Variants in TRMT13 observed in about 807,000 individuals in gnomAD.
The protein encoded by TRMT13 is tRNA:m(4)X modification enzyme TRM13 homolog.
In TRMT13, 45 loss-of-function variants were observed where a neutral mutation model predicts 55.9. The observed-to-expected ratio is 0.80, with a 90% confidence interval of 0.63 to 1.03. The LOEUF is 1.03. Among genes scored for constraint, TRMT13 ranks in the 50% least tolerant of loss-of-function variants. TRMT13 has a pLI of 0.00. For synonymous variants in TRMT13, 183 were observed against 196.3 expected (o/e 0.93, Z 0.57); for missense variants, 513 against 563.9 (o/e 0.91, Z 0.91).
rs1659954521 is a variant in TRMT13, at chr1:100,143,000, A to T, written c.670-137A>T. ...AAAAGTGTGATATTTTGAAGTTCTC[A>T]TCAAAGAATGTACAATCTTAATTTT... On this transcript the variant is annotated intron_variant, in intron 7 of 10. Transcript: ENST00000370141. 1.9e-5 allele frequency: 11 copies of T among 591,822 alleles called. 1 individual carries two copies. The South Asian group carries it at 2.5e-4, about 13-fold the overall frequency. The allele number at this position is 591,822 out of a possible 1,614,324, so 36.7% of individuals were successfully genotyped here. A position where few individuals can be genotyped will look rare whatever the true frequency, so the allele number is the denominator to read the frequency against.
In TRMT13 at chr1:100,148,231, T is replaced by A; in HGVS notation, c.1155T>A (p.Ser385Arg). ...AAACATCTTTGGAAACCTCAAATAGTACCACAAAGAGGCAAGATAATCAGA... is the reference window on the plus strand; with the variant it reads ...AAACATCTTTGGAAACCTCAAATAGAACCACAAAGAGGCAAGATAATCAGA... Reference protein sequence around the residue: ...MRKTSLETSNSTTKRQDNQND... With the variant: ...MRKTSLETSNRTTKRQDNQND... Residue 385 changes from serine (S) to arginine (R), a missense_variant, in exon 10 of 11, where the codon AGT becomes AGA. Physicochemically the swap from Ser to Arg is moderately radical, Grantham distance 110. Transcript: ENST00000370141. 5.0e-6 allele frequency: 8 copies of A among 1,614,118 alleles called. No individual in the cohort carries two copies. The highest frequency in any genetic ancestry group is 6.8e-6 in the Non-Finnish European group (8 of 1,180,014).
At chr1:100,136,816 T>C (rs1655935221) in intron 1 of TRMT13, 66 bp from the exon 2 acceptor site, 30 of 1,326,338 alleles carry the variant, frequency 2.3e-5, no homozygotes, top group Non-Finnish European at 2.9e-5. Context: ...ACTGAAGTTA[T>C]ATCTGGTATC....
chr1:100,143,202 G>C lies in TRMT13; in HGVS notation c.735G>C (p.Leu245Phe). Residue 245 changes from leucine (L) to phenylalanine (F), a missense_variant, in exon 8 of 11, where the codon TTG becomes TTC. This residue lies in a region of TRMT13 where 298 missense variants were observed against 290.3 expected (regional missense o/e 1.03). Transcript: ENST00000370141. ...FERLQIDIQH[L>F]CLNKIPVLRE... ...GACTTCAAATTGATATTCAACACTT[G>C]TGTTTGAGTAAGTTGTGTAACTTTC... 1 of 1,602,080 alleles carries C rather than the reference G, an allele frequency of 6.2e-7. No individual in the cohort carries two copies. The highest frequency in any genetic ancestry group is 8.5e-7 in the Non-Finnish European group (1 of 1,171,416).
chr1:100,136,918 G>C lies in TRMT13; in HGVS notation c.184G>C (p.Asp62His). 2 of 1,603,374 alleles carry C rather than the reference G, an allele frequency of 1.2e-6. No individual in the cohort carries two copies. Among genetic ancestry groups the C allele is most frequent in the Admixed American group, 1.7e-5 (1 of 58,272 alleles). The change falls in exon 2 of 11, where the codon GAT becomes CAT. Residue 62 changes from aspartate (D) to histidine (H), a missense_variant. By Grantham distance (81) the Asp-to-His change is moderately conservative. This residue lies in a region of TRMT13 where 298 missense variants were observed against 290.3 expected (regional missense o/e 1.03). Transcript: ENST00000370141. ...TCGGAAAAGAATCCTGTGTCCTTTA[G>C]ATCCAAAACAGTAAGTGTGGATCAG... is the stretch of plus-strand genomic sequence containing the variant. ...DARKRILCPL[D>H]PKHTVYEDQL...
intron 3 of TRMT13, 107 bp downstream of exon 3, chr1:100,137,192 G>T: frequency 1.0e-6 from 1 of 969,572 alleles, no homozygotes; most frequent in Non-Finnish European, 1.5e-6. Context: ...CCCAAGCTCA[G>T]GAAATATAAT....
At chr1:100,140,543 C>T in intron 6 of TRMT13, 29 bp downstream of exon 6, 3 of 1,462,848 alleles carry the variant, frequency 2.1e-6, no homozygotes, top group Non-Finnish European at 2.9e-6. Flanking sequence ...AACTACTAAA[C>T]ATGGCCTTTG....
chr1:100,146,706 G>GT, intron 9 of TRMT13, among the ~76,000 whole-genome samples: 1 of 152,116 alleles, frequency 6.6e-6, no homozygotes, highest in Non-Finnish European at 1.5e-5. Context: ...GGATTTCACC[G>GT]TGTTAGCCAG....
At position 100,148,202 on chromosome 1, in the gene TRMT13, C is replaced by T. The variant is rs777817325; in HGVS notation, c.1126C>T (p.Arg376Trp). Residue 376 changes from arginine to tryptophan, a missense_variant, in exon 10 of 11, where the codon CGG (arginine) becomes TGG (tryptophan). Physicochemically the swap from Arg to Trp is moderately radical, Grantham distance 101. This residue lies in a region of TRMT13 where 209 missense variants were observed against 255.8 expected (regional missense o/e 0.82). Transcript: ENST00000370141. Reference protein sequence around the residue: ...RMSSWATCGMRKTSLETSNST... With the variant: ...RMSSWATCGMWKTSLETSNST... ...GAGTAGTTGGGCAACTTGTGGGATG[C>T]GGAAAACATCTTTGGAAACCTCAAA... is the stretch of plus-strand genomic sequence containing the variant. The T allele has an allele frequency of 2.4e-5, 38 of 1,613,862 alleles. No individual in the cohort carries two copies. Among genetic ancestry groups the T allele is most frequent in the East Asian group, 6.7e-5 (3 of 44,878 alleles).
Position 100,148,886 on chromosome 1 carries a change from CA to C in TRMT13, c.*73del, listed in dbSNP as rs894948482. ...AAATTTTTTAATTATATTTTTATATCAAAAAAATATATACTTTAAATAGCAA... is the reference window on the plus strand; with the variant it reads ...AAATTTTTTAATTATATTTTTATATCAAAAAATATATACTTTAAATAGCAA... On this transcript the variant is annotated 3_prime_UTR_variant, in exon 11 of 11. Transcript: ENST00000370141. 54 of 1,127,568 alleles carry C rather than the reference CA, an allele frequency of 4.8e-5. No homozygotes were observed. The highest frequency in any genetic ancestry group is 9.4e-5 in the South Asian group (3 of 32,078). The allele number at this position is 1,127,568 out of a possible 1,614,324, so 69.8% of individuals were successfully genotyped here.
intron 6 of TRMT13, 158 bp from the exon 7 acceptor site, chr1:100,140,694 C>T (rs554962370): frequency 2.0e-5 from 17 of 838,262 alleles, no homozygotes; most frequent in Middle Eastern, 3.5e-4. Flanking sequence ...TTCTGAGTAC[C>T]GTATATTAAA....
Position 100,133,229 on chromosome 1 carries a change from T to G in TRMT13, c.61T>G (p.Tyr21Asp). 1 of 1,614,132 alleles carries G rather than the reference T, an allele frequency of 6.2e-7. No individual in the cohort carries two copies. Among genetic ancestry groups the G allele is most frequent in the Non-Finnish European group, 8.5e-7 (1 of 1,180,006 alleles). ...TTTTCCAGCTGAGGGTAGATGCGGT[T>G]ACTATGTGGAAAAGAAGAAACGGTT... ...PGFPAEGRCG[Y>D]YVEKKKRFCR... Residue 21 changes from tyrosine (Y) to aspartate (D), a missense_variant, in exon 1 of 11, where the codon TAC becomes GAC. Transcript: ENST00000370141.
chr1:100,142,941 G>C (rs931955949), intron 7 of TRMT13, 196 bp from the exon 8 acceptor site: 11 of 545,850 alleles, frequency 2.0e-5, no homozygotes, highest in Non-Finnish European at 3.5e-5. Flanking sequence ...TAATGTCTAT[G>C]TAATAATTGA....
At chr1:100,134,048 G>C (rs568533272) in intron 1 of TRMT13, among the ~76,000 whole-genome samples, 1 of 151,894 alleles carries the variant, frequency 6.6e-6, no homozygotes. Context: ...TTCCAGCCTG[G>C]GTGACAGCCA....
intron 1 of TRMT13, among the ~76,000 whole-genome samples, chr1:100,134,672 T>C (rs923277444): frequency 6.6e-6 from 1 of 152,200 alleles, no homozygotes; most frequent in Non-Finnish European, 1.5e-5. Flanking sequence ...ACATCCCTTG[T>C]TGAAGAATGA....
intron 9 of TRMT13, among the ~76,000 whole-genome samples, chr1:100,145,290 C>T (rs1035517308): frequency 2.0e-5 from 3 of 152,186 alleles, no homozygotes; most frequent in Admixed American, 2.0e-4. Context: ...CATGACTGTA[C>T]TTTTGCATAC....
intron 4 of TRMT13, 58 bp from the exon 5 acceptor site, chr1:100,140,124 G>C (rs2101727865): frequency 8.5e-7 from 1 of 1,172,496 alleles, no homozygotes. Flanking sequence ...CTCAGTCTCT[G>C]TTATGCTACT....
chr1:100,137,977 G>C (rs1284323023), intron 3 of TRMT13, among the ~76,000 whole-genome samples: 1 of 152,158 alleles, frequency 6.6e-6, no homozygotes, highest in Non-Finnish European at 1.5e-5. Flanking sequence ...CTAAGTTCCA[G>C]GTTTCAGTTA....
rs756883824 is a variant in TRMT13 at position 100,140,267 on chromosome 1, G to T, written c.394+16G>T. 1 of 1,608,312 alleles carries T rather than the reference G, an allele frequency of 6.2e-7. No individual in the cohort carries two copies. Among genetic ancestry groups the T allele is most frequent in the South Asian group, 1.1e-5 (1 of 90,276 alleles). ...GCAAGTGAAGGTAAGACTGCCTAAA[G>T]TTGCAAGTTCAATTATTTTAGAGTA... On this transcript the variant is annotated intron_variant, in intron 5 of 10. Transcript: ENST00000370141.
At position 100,140,182 on chromosome 1, in the gene TRMT13, G is replaced by C. The variant is rs1453054588; in HGVS notation, c.325G>C (p.Val109Leu). ...RDETEIPEQL[V>L]PISSLSEEQL... ...TATTTAGTTTTATTTTTGTATATAG[G>C]TTCCAATTTCTTCTCTATCTGAAGA... The change falls in exon 5 of 11, where the codon GTT (valine) becomes CTT (leucine). Residue 109 changes from valine (V) to leucine (L), a missense_variant and splice_region_variant. Val to Leu is a conservative substitution (Grantham distance 32). Around this residue, in one of 3 missense-constraint regions of TRMT13, gnomAD observed 298 missense variants for 290.3 expected, o/e 1.03. Coordinates refer to ENST00000370141, the MANE Select transcript of TRMT13 (RefSeq NM_019083.3). The C allele has an allele frequency of 6.2e-7, 1 of 1,603,088 alleles. No homozygotes were observed. The highest frequency in any genetic ancestry group is 8.5e-7 in the Non-Finnish European group (1 of 1,173,316).
Sources: gnomAD v4.1 joint callset for allele counts (sites outside exome capture counted in the v4.1 genomes callset) on GRCh38, gnomAD v4.1.1 for gene constraint, gnomAD v4.1.1 regional missense constraint, MANE v1.5 for transcripts, NCBI Gene and HGNC (gene_info 2026-07-23, HGNC 2026-07-21) for gene names.